SH3BGRL: variants seen among roughly 807,000 people sequenced by gnomAD.
SH3BGRL encodes the protein adapter SH3BGRL.
Under a neutral mutation model 9.8 loss-of-function variants are expected in SH3BGRL, and 7 were observed. The observed-to-expected ratio is 0.72, with a 90% CI of 0.41 to 1.35. The LOEUF is 1.35. Ranked by LOEUF, SH3BGRL falls within the 40% of genes most tolerant of loss-of-function variation. The pLI is 0.01. For synonymous variants in SH3BGRL, 36 were observed against 29.1 expected (o/e 1.24, Z -0.76); for missense variants, 73 against 84.4 (o/e 0.86, Z 0.53).
intron 1 of SH3BGRL, among the ~76,000 whole-genome samples, chrX:81,230,907 T>TA (rs959766692): frequency 2.4e-4 from 27 of 110,888 alleles, no homozygotes; most frequent in Non-Finnish European, 4.2e-4. Flanking sequence ...TTCTTTAAGA[T>TA]AAAAAAAAAT....
chrX:81,263,139 A>C (rs1197629879), intron 1 of SH3BGRL, among the ~76,000 whole-genome samples: 1 of 109,746 alleles, frequency 9.1e-6, no homozygotes, highest in Non-Finnish European at 1.9e-5. Flanking sequence ...GAGAGAGGGG[A>C]GACTTGCAGA....
At chrX:81,244,200 T>C (rs1270190524) in intron 1 of SH3BGRL, among the ~76,000 whole-genome samples, 1 of 111,435 alleles carries the variant, frequency 9.0e-6, no homozygotes, top group East Asian at 2.8e-4. Context: ...CCAAAAAATG[T>C]AGGGAAAAAA....
chrX:81,248,270 G>A (rs1470352079), intron 1 of SH3BGRL, among the ~76,000 whole-genome samples: 1 of 111,705 alleles, frequency 9.0e-6, no homozygotes, highest in Non-Finnish European at 1.9e-5. Context: ...AAACCTACAA[G>A]CCCGTAGATG....
At chrX:81,252,901 C>CA (rs200932543) in intron 1 of SH3BGRL, among the ~76,000 whole-genome samples, 25,094 of 111,466 alleles carry the variant, frequency 0.23, 2,227 homozygotes, top group East Asian at 0.7. Context: ...AAAATTAAAA[C>CA]AAACAAGAGA....
At chrX:81,216,503 C>A (rs1286364139) in intron 1 of SH3BGRL, among the ~76,000 whole-genome samples, 2 of 110,937 alleles carry the variant, frequency 1.8e-5, no homozygotes, top group Non-Finnish European at 3.8e-5. Flanking sequence ...ACCATAGTCA[C>A]CCTGGTTGCA....
intron 3 of SH3BGRL, among the ~76,000 whole-genome samples, chrX:81,291,584 A>G (rs2075858181): frequency 9.0e-6 from 1 of 111,722 alleles, no homozygotes; most frequent in Non-Finnish European, 1.9e-5. Context: ...TCCTTTTCAC[A>G]TTGCAAAATA....
At chrX:81,245,957 C>T (rs970132848) in intron 1 of SH3BGRL, among the ~76,000 whole-genome samples, 2 of 111,964 alleles carry the variant, frequency 1.8e-5, no homozygotes, top group Admixed American at 1.9e-4. Context: ...ATAAGCATTC[C>T]CTTTTCTCCA....
chrX:81,273,649 GTTTTTTTTT>G (rs11354793), intron 1 of SH3BGRL, among the ~76,000 whole-genome samples: 1 of 70,934 alleles, frequency 1.4e-5, no homozygotes, highest in African/African-American at 5.7e-5. Context: ...TGGTTAAATG[GTTTTTTTTT>G]TTTTTTTTTG....
At chrX:81,297,043 A>T (rs2075877511) in intron 3 of SH3BGRL, 152 bp from the exon 4 acceptor site, 1 of 364,205 alleles carries the variant, frequency 2.7e-6, no homozygotes, top group Admixed American at 5.3e-5. Context: ...TTTGTATTAT[A>T]TAGTTTTTCT....
At chrX:81,264,362 C>T (rs1435883352) in intron 1 of SH3BGRL, among the ~76,000 whole-genome samples, 1 of 111,585 alleles carries the variant, frequency 9.0e-6, no homozygotes, top group Non-Finnish European at 1.9e-5. Flanking sequence ...CTCTGTCTTA[C>T]TGAGCAGGTT....
chrX:81,208,031 C>T (rs769828587), intron 1 of SH3BGRL, among the ~76,000 whole-genome samples: 13 of 111,400 alleles, frequency 1.2e-4, no homozygotes, highest in South Asian at 1.1e-3. Context: ...CCGAGCTAGG[C>T]GGATCACGAG....
intron 1 of SH3BGRL, among the ~76,000 whole-genome samples, chrX:81,226,039 G>A (rs915998421): frequency 1.8e-5 from 2 of 111,144 alleles, no homozygotes; most frequent in African/African-American, 6.5e-5. Context: ...CTATCTAACG[G>A]TAGTTTTATG....
chrX:81,260,898 G>A (rs2075739308), intron 1 of SH3BGRL, among the ~76,000 whole-genome samples: 1 of 110,749 alleles, frequency 9.0e-6, no homozygotes, highest in South Asian at 3.8e-4. Flanking sequence ...GAAGATCTTA[G>A]AGCTGAAATT....
At chrX:81,247,282 A>G (rs1193427993) in intron 1 of SH3BGRL, among the ~76,000 whole-genome samples, 1 of 111,741 alleles carries the variant, frequency 8.9e-6, no homozygotes, top group Admixed American at 9.5e-5. Context: ...TTCTTTTCCT[A>G]TTTGGATGCT....
At chrX:81,295,441 TAAG>T (rs903764840) in intron 3 of SH3BGRL, among the ~76,000 whole-genome samples, 8 of 111,642 alleles carry the variant, frequency 7.2e-5, no homozygotes, top group African/African-American at 2.6e-4. Context: ...TGCCTCCTCT[TAAG>T]AAGTGTCTTT....
intron 3 of SH3BGRL, among the ~76,000 whole-genome samples, chrX:81,295,951 T>C (rs1441499473): frequency 3.6e-5 from 4 of 111,438 alleles, no homozygotes; most frequent in Admixed American, 1.9e-4. Context: ...TTTATAGTAA[T>C]ACCCCACCCC....
At position 81,250,578 on chromosome X, in the gene SH3BGRL, G is replaced by T. The variant is rs2075706480; in HGVS notation, c.46-26406G>T. 3.6e-5 allele frequency among the ~76,000 whole-genome samples: 4 copies of T among 111,230 alleles called. No individual in the cohort carries two copies. In the South Asian group the frequency reaches 1.5e-3, roughly 42 times the overall value. On this transcript the variant is annotated intron_variant, in intron 1 of 3. Transcript: ENST00000373212. ...CTCCACATTTAAAAGAAATTATTAAGTATAGTTGATGAAATTATGCCTTCA... is the reference window on the plus strand; with the variant it reads ...CTCCACATTTAAAAGAAATTATTAATTATAGTTGATGAAATTATGCCTTCA...
chrX:81,202,777 A>T (rs1294563948), intron 1 of SH3BGRL: 2 of 124,385 alleles, frequency 1.6e-5, no homozygotes, highest in Non-Finnish European at 3.1e-5. Flanking sequence ...AAAGTGGTTA[A>T]CTTGAGCTTG....
chrX:81,265,285 C>T (rs765630545), intron 1 of SH3BGRL, among the ~76,000 whole-genome samples: 2 of 105,732 alleles, frequency 1.9e-5, no homozygotes, highest in Non-Finnish European at 3.9e-5. Flanking sequence ...TAGGTATACA[C>T]GTGCCATGGT....
Sources: gnomAD v4.1 joint callset for allele counts (sites outside exome capture counted in the v4.1 genomes callset) on GRCh38, gnomAD v4.1.1 for gene constraint, MANE v1.5 for transcripts, NCBI Gene and HGNC (gene_info 2026-07-23, HGNC 2026-07-21) for gene names.